Variants in CPLANE1 observed in about 807,000 individuals in gnomAD.
CPLANE1 encodes the protein ciliogenesis and planar polarity effector 1.
A neutral mutation model predicts 362.5 loss-of-function variants in CPLANE1; 263 were observed. That is an observed-to-expected ratio of 0.73 (90% CI 0.66 to 0.80). The LOEUF is 0.80. Among genes scored for constraint, CPLANE1 ranks in the 30% least tolerant of loss-of-function variants. The pLI is 0.00. For missense variants in CPLANE1, 3,461 were observed against 3,793.4 expected, an observed-to-expected ratio of 0.91 and a Z score of 2.30; for synonymous variants, 1,212 against 1,302.6, an observed-to-expected ratio of 0.93 and a Z score of 1.50.
chr5:37,175,328 G>A (rs1780876571), intron 31 of CPLANE1, among the ~76,000 whole-genome samples: 1 of 152,184 alleles, frequency 6.6e-6, no homozygotes, highest in Non-Finnish European at 1.5e-5. Flanking sequence ...GGCCGGATCT[G>A]GGTATGAGGA....
intron 8 of CPLANE1, among the ~76,000 whole-genome samples, chr5:37,234,846 T>C (rs1259853801): frequency 1.3e-5 from 2 of 152,124 alleles, no homozygotes; most frequent in South Asian, 4.1e-4. Flanking sequence ...TTCCTCTAGG[T>C]TTTGTAGTTT....
At chr5:37,210,385 C>T (rs1792251404) in intron 16 of CPLANE1, 1 of 1,033,546 alleles carries the variant, frequency 9.7e-7, no homozygotes, top group Non-Finnish European at 1.5e-6. Flanking sequence ...TTTGAGAAGA[C>T]CTATGACCAA....
At chr5:37,160,839 T>C (rs1405992579) in intron 38 of CPLANE1, among the ~76,000 whole-genome samples, 1 of 151,674 alleles carries the variant, frequency 6.6e-6, no homozygotes, top group Non-Finnish European at 1.5e-5. Flanking sequence ...ACCTGGCTAA[T>C]TTTTTGTATT....
In CPLANE1 at chr5:37,108,446, C is replaced by T. The variant is rs765528471; in HGVS notation, c.9426G>A (p.Leu3142=). The T allele has an allele frequency of 3.7e-6, 6 of 1,614,096 alleles. No individual in the cohort carries two copies. Among genetic ancestry groups the T allele is most frequent in the Non-Finnish European group, 4.2e-6 (5 of 1,179,986 alleles). Residue 3142 remains leucine (L), a synonymous_variant, in exon 52 of 53, where the codon CTG becomes CTA. Coordinates refer to ENST00000651892, the MANE Select transcript of CPLANE1 (RefSeq NM_001384732.1). ...CACTTCCATGTTTTTTTGTATGCTG[C>T]AGACTATGACACGGAGCATTAGAGC... is the stretch of plus-strand genomic sequence containing the variant. ...QKGSNAPCHS[L]QHTKKHGSAG...
chr5:37,087,617 C>T, the CPLANE1 span, among the ~76,000 whole-genome samples: 5 of 152,198 alleles, frequency 3.3e-5, no homozygotes, highest in Non-Finnish European at 7.4e-5. Context: ...CCACCACGCC[C>T]GGCTAATTTT....
the CPLANE1 span, among the ~76,000 whole-genome samples, chr5:37,087,156 C>T: frequency 6.6e-6 from 1 of 152,196 alleles, no homozygotes; most frequent in South Asian, 2.1e-4. Flanking sequence ...ACATGGTTCC[C>T]GAAAGAAGGC....
At chr5:37,162,683 A>AT in intron 37 of CPLANE1, 117 bp from the exon 38 acceptor site, 2 of 672,828 alleles carry the variant, frequency 3.0e-6, no homozygotes, top group Non-Finnish European at 2.4e-6. Context: ...GATGTTATTA[A>AT]ATTTTTTTTT....
At chr5:37,163,909 G>A (rs908082265) in intron 37 of CPLANE1, among the ~76,000 whole-genome samples, 1 of 152,130 alleles carries the variant, frequency 6.6e-6, no homozygotes, top group Non-Finnish European at 1.5e-5. Context: ...TTATACCTAT[G>A]TACTGAAAAG....
chr5:37,244,303 A>G (rs1738747832), intron 5 of CPLANE1, 72 bp downstream of exon 5: 2 of 854,100 alleles, frequency 2.3e-6, no homozygotes. Context: ...TATGGTGACT[A>G]AAGATATATA....
rs776212042 is a variant in CPLANE1, at chr5:37,153,868, GAGCTGCAGAGCTTGGTGCAGGGCA to G, written c.8221_8244del (p.Cys2741_Ala2748del). 4 of 1,613,982 alleles carry G rather than the reference GAGCTGCAGAGCTTGGTGCAGGGCA, an allele frequency of 2.5e-6. No homozygotes were observed. In the African/African-American group the frequency reaches 5.3e-5, roughly 22 times the overall value. ...TTAGCACTGAGATGCTCTAGTTGGT[GAGCTGCAGAGCTTGGTGCAGGGCA>G]AGCTGCAGAGACACCTTGCAGCCGT... On this transcript the variant is annotated inframe_deletion, in exon 42 of 53. Transcript: ENST00000651892.
intron 21 of CPLANE1, among the ~76,000 whole-genome samples, chr5:37,188,935 C>T (rs1289515708): frequency 6.6e-6 from 1 of 152,110 alleles, no homozygotes; most frequent in Admixed American, 6.5e-5. Flanking sequence ...TCTTGGCCTC[C>T]ACCTCCCAGG....
intron 8 of CPLANE1, among the ~76,000 whole-genome samples, chr5:37,234,937 A>G (rs1246215017): frequency 1.3e-5 from 2 of 152,208 alleles, no homozygotes; most frequent in Non-Finnish European, 2.9e-5. Flanking sequence ...GAACAATACA[A>G]GGATGCCTAC....
At chr5:37,085,106 T>A in the CPLANE1 span, 2 of 742,350 alleles carry the variant, frequency 2.7e-6, no homozygotes, top group Admixed American at 1.8e-5. Flanking sequence ...CTCCAAAGCA[T>A]TGGATGCTGG....
chr5:37,183,258 A>G lies in CPLANE1; in HGVS notation c.4923T>C (p.His1641=), dbSNP rs1783149662. The G allele has an allele frequency of 6.2e-7, 1 of 1,612,882 alleles. No individual in the cohort carries two copies. Among genetic ancestry groups the G allele is most frequent in the African/African-American group, 1.3e-5 (1 of 74,864 alleles). ...ATGATGAAAGTTTCTGGTTTTCTAAATGCATGCCATATTCATCATTTAAAG... is the reference window on the plus strand; with the variant it reads ...ATGATGAAAGTTTCTGGTTTTCTAAGTGCATGCCATATTCATCATTTAAAG... The part of the protein sequence containing the change: ...SSSLNDEYGM[H]LENQKLSSSV... The change falls in exon 26 of 53, where the codon CAT becomes CAC. Residue 1641 remains histidine, a synonymous_variant. Transcript: ENST00000651892.
Position 37,151,099 on chromosome 5 carries a change from CT to C in CPLANE1, c.8373+2640del. Among the ~76,000 whole-genome samples the C allele has an allele frequency of 1.3e-5, 2 of 152,284 alleles. 1 individual carries two copies. The highest frequency in any genetic ancestry group is 6.8e-3 in the Middle Eastern group (2 of 294). ...TCCCAATCGCTTGACATGGTAAATG[CT>C]TTCTGTTCCTCCTTGTCTCCCCTCT... On this transcript the variant is annotated intron_variant, in intron 42 of 52. Coordinates refer to ENST00000651892, the MANE Select transcript of CPLANE1 (RefSeq NM_001384732.1).
intron 26 of CPLANE1, 59 bp downstream of exon 26, chr5:37,182,701 T>C (rs1782992519): frequency 3.0e-6 from 3 of 1,010,354 alleles, no homozygotes; most frequent in Non-Finnish European, 4.3e-6. Context: ...AATGTAAACA[T>C]AGTTTTAATC....
the CPLANE1 span, among the ~76,000 whole-genome samples, chr5:37,096,867 C>T: frequency 5.9e-5 from 9 of 152,208 alleles, no homozygotes; most frequent in East Asian, 1.7e-3. Context: ...CCACCTTACT[C>T]CTGCAAGAAT....
chr5:37,125,939 C>T (rs1764009329), intron 46 of CPLANE1, among the ~76,000 whole-genome samples: 2 of 152,146 alleles, frequency 1.3e-5, no homozygotes, highest in South Asian at 4.2e-4. Context: ...CTATCACTTT[C>T]AAAACTTCTA....
chr5:37,240,560 C>A (rs773464189), intron 6 of CPLANE1, among the ~76,000 whole-genome samples: 1 of 152,106 alleles, frequency 6.6e-6, no homozygotes. Context: ...ACAACCAGAT[C>A]TCCCGTGAAC....
Sources: allele counts gnomAD v4.1 joint callset (sites outside exome capture counted in the v4.1 genomes callset), GRCh38; gene constraint gnomAD v4.1.1; transcripts MANE v1.5; gene names NCBI Gene and HGNC (gene_info 2026-07-23, HGNC 2026-07-21).